Variants in USH2A observed in about 807,000 individuals in gnomAD.
The protein encoded by USH2A is usherin, also known as Usher syndrome 2A (autosomal recessive, mild).
USH2A carries 443 observed loss-of-function variants against 538.9 expected under a neutral mutation model. The observed-to-expected ratio is 0.82, with a 90% CI of 0.76 to 0.89. The LOEUF (loss-of-function observed/expected upper bound fraction) is 0.89, where lower values mean the gene tolerates loss of function less well. USH2A is among the 40% of genes least tolerant of loss of function. The pLI, the probability that USH2A is intolerant of heterozygous loss-of-function variation, is 0.00. For missense variants in USH2A, 6,633 were observed against 6,324.8 expected, an observed-to-expected ratio of 1.05 and a Z score of -1.65; for synonymous variants, 2,413 against 2,273.5, an observed-to-expected ratio of 1.06 and a Z score of -1.75.
intron 38 of USH2A, among the ~76,000 whole-genome samples, chr1:215,926,545 G>T (rs993847191): frequency 6.6e-6 from 1 of 150,924 alleles, no homozygotes. Flanking sequence ...TGCTCTGAGG[G>T]TGGATCATTC....
chr1:215,950,296 A>G (rs759644301), intron 37 of USH2A, among the ~76,000 whole-genome samples: 2 of 152,176 alleles, frequency 1.3e-5, no homozygotes, highest in Non-Finnish European at 2.9e-5. Context: ...ACTATAGTAT[A>G]TTAAGTACCT....
chr1:215,729,886 G>C (rs571408178), intron 60 of USH2A, among the ~76,000 whole-genome samples: 2 of 152,206 alleles, frequency 1.3e-5, no homozygotes, highest in African/African-American at 4.8e-5. Flanking sequence ...GCCTTCCAAA[G>C]TGCTGGGATT....
At chr1:216,257,826 T>A (rs189847236) in intron 11 of USH2A, among the ~76,000 whole-genome samples, 12 of 152,096 alleles carry the variant, frequency 7.9e-5, no homozygotes, top group Non-Finnish European at 1.6e-4. Flanking sequence ...ATAAATGTTT[T>A]ATGTTTAATG....
At chr1:216,006,992 G>T (rs1035407810) in intron 32 of USH2A, among the ~76,000 whole-genome samples, 1 of 152,162 alleles carries the variant, frequency 6.6e-6, no homozygotes, top group Non-Finnish European at 1.5e-5. Context: ...GAGGGACCCG[G>T]TGGGAGATAA....
chr1:216,218,451 C>T (rs2035388128), intron 14 of USH2A, among the ~76,000 whole-genome samples: 1 of 152,116 alleles, frequency 6.6e-6, no homozygotes, highest in South Asian at 2.1e-4. Flanking sequence ...AAGGTACTCT[C>T]CTTGTGGTAC....
At chr1:216,106,877 T>G (rs760395971) in intron 21 of USH2A, among the ~76,000 whole-genome samples, 2 of 151,908 alleles carry the variant, frequency 1.3e-5, no homozygotes, top group African/African-American at 2.4e-5. Flanking sequence ...CCTTAATTGG[T>G]AGGGCATTTA....
At chr1:215,859,363 T>C (rs570178043) in intron 44 of USH2A, among the ~76,000 whole-genome samples, 433 of 151,998 alleles carry the variant, frequency 2.8e-3, no homozygotes, top group Non-Finnish European at 5.1e-3. Flanking sequence ...TGAAACCCCG[T>C]CTCTACTAAA....
intron 21 of USH2A, among the ~76,000 whole-genome samples, chr1:216,148,691 C>A (rs1483159798): frequency 6.6e-6 from 1 of 152,012 alleles, no homozygotes; most frequent in South Asian, 2.1e-4. Context: ...GGATCTGCAC[C>A]TTATCAACCA....
intron 21 of USH2A, among the ~76,000 whole-genome samples, chr1:216,131,723 A>C: frequency 6.6e-6 from 1 of 151,990 alleles, no homozygotes; most frequent in East Asian, 1.9e-4. Flanking sequence ...ACTATGTTCA[A>C]TCCATTTGTA....
At position 216,113,760 on chromosome 1, in the gene USH2A, T is replaced by C. The variant is rs74480378; in HGVS notation, c.4628-16547A>G. 1.0e-3 allele frequency among the ~76,000 whole-genome samples: 158 copies of C among 152,150 alleles called. 4 individuals are homozygous for C. The East Asian group carries it at 0.028, about 27-fold the overall frequency. On this transcript the variant is annotated intron_variant, in intron 21 of 71. Transcript: ENST00000307340. The stretch of plus-strand genomic sequence containing the variant: ...GGGGGTTTATTTTTGTTTTAAAATC[T>C]AAATGTTTTCAATAATGGCGTCTTC...
chr1:216,048,035 G>C (rs2030596186), intron 31 of USH2A, among the ~76,000 whole-genome samples: 1 of 152,190 alleles, frequency 6.6e-6, no homozygotes, highest in Admixed American at 6.5e-5. Context: ...GAACTAAGCA[G>C]TGATTAATAA....
rs908579298 is a variant in USH2A at position 215,888,358 on chromosome 1, T to C, written c.8223+68A>G. Reference sequence around the variant, plus strand: ...TTTGTTTAGTCAGTAGATGGCTCTGTTCAACACAGAGTCAATCCAGGGTAC... The same window carrying C: ...TTTGTTTAGTCAGTAGATGGCTCTGCTCAACACAGAGTCAATCCAGGGTAC... On this transcript the variant is annotated intron_variant, in intron 41 of 71. Coordinates refer to ENST00000307340, the MANE Select transcript of USH2A (RefSeq NM_206933.4). 9 of 1,604,540 alleles carry C rather than the reference T, an allele frequency of 5.6e-6. No individual in the cohort carries two copies. In the African/African-American group the frequency reaches 8.0e-5, roughly 14 times the overall value.
chr1:215,876,054 T>A (rs1017041699), intron 43 of USH2A, among the ~76,000 whole-genome samples: 1 of 151,690 alleles, frequency 6.6e-6, no homozygotes, highest in Non-Finnish European at 1.5e-5. Context: ...AGGGCTAAGA[T>A]GTATTTATCT....
At chr1:215,974,892 A>C (rs1360064519) in intron 35 of USH2A, among the ~76,000 whole-genome samples, 1 of 152,072 alleles carries the variant, frequency 6.6e-6, no homozygotes, top group Admixed American at 6.6e-5. Flanking sequence ...GTTCTGTTTT[A>C]AGTTCTTTGA....
intron 3 of USH2A, among the ~76,000 whole-genome samples, chr1:216,383,191 G>T (rs191809037): frequency 6.6e-6 from 1 of 152,086 alleles, no homozygotes; most frequent in Admixed American, 6.5e-5. Context: ...TGTATTAAAA[G>T]CTCACAAACG....
At chr1:216,138,963 T>C (rs1243438945) in intron 21 of USH2A, among the ~76,000 whole-genome samples, 1 of 152,096 alleles carries the variant, frequency 6.6e-6, no homozygotes, top group Non-Finnish European at 1.5e-5. Flanking sequence ...TGTGTGTATA[T>C]ATGGTTTTCC....
intron 30 of USH2A, among the ~76,000 whole-genome samples, chr1:216,055,052 C>A (rs963880534): frequency 7.2e-5 from 11 of 152,230 alleles, no homozygotes; most frequent in Admixed American, 2.0e-4. Context: ...TTTGGGATAA[C>A]ATGGAGAATT....
intron 32 of USH2A, among the ~76,000 whole-genome samples, chr1:216,009,524 G>A (rs773608022): frequency 6.6e-5 from 10 of 151,960 alleles, no homozygotes; most frequent in South Asian, 4.2e-4. Flanking sequence ...TTTACACATC[G>A]GTCCCTTCCT....
intron 61 of USH2A, among the ~76,000 whole-genome samples, chr1:215,722,564 AG>A (rs1558069682): frequency 6.6e-6 from 1 of 152,244 alleles, no homozygotes; most frequent in South Asian, 2.1e-4. Flanking sequence ...GTAAAGATAT[AG>A]GAAACAAACC....
Sources: gnomAD v4.1 joint callset for allele counts (sites outside exome capture counted in the v4.1 genomes callset) on GRCh38, gnomAD v4.1.1 for gene constraint, MANE v1.5 for transcripts, NCBI Gene and HGNC (gene_info 2026-07-23, HGNC 2026-07-21) for gene names.